The following MACROD2 variants were observed in gnomAD, a reference collection of about 807,000 sequenced individuals.
MACROD2 encodes ADP-ribose glycohydrolase MACROD2.
In MACROD2, 36 loss-of-function variants were observed where a neutral mutation model predicts 70.4. The observed-to-expected ratio is 0.51, with a 90% CI of 0.39 to 0.68. MACROD2 has a LOEUF of 0.68. Among genes scored for constraint, MACROD2 ranks in the 30% least tolerant of loss-of-function variants. MACROD2 has a pLI of 0.00. For synonymous variants in MACROD2, 172 were observed against 178.8 expected (o/e 0.96, Z 0.30); for missense variants, 496 against 538.4 (o/e 0.92, Z 0.78).
intron 6 of MACROD2, among the ~76,000 whole-genome samples, chr20:15,358,275 A>G (rs2146239031): frequency 6.6e-6 from 1 of 152,326 alleles, no homozygotes; most frequent in African/African-American, 2.4e-5. Flanking sequence ...TCAAAGATAG[A>G]ATGCATTAAA....
intron 5 of MACROD2, chr20:14,905,235 A>G (rs899756950): frequency 6.6e-6 from 1 of 152,172 alleles, no homozygotes; most frequent in African/African-American, 2.4e-5. Flanking sequence ...TGAGTCTTAA[A>G]CTGGCTCTTA....
chr20:14,057,063 A>G (rs2053638637), intron 2 of MACROD2, among the ~76,000 whole-genome samples: 1 of 152,166 alleles, frequency 6.6e-6, no homozygotes, highest in East Asian at 1.9e-4. Context: ...CCAAATGGGA[A>G]AAACAATGAA....
chr20:14,590,779 G>A (rs1014055271), intron 4 of MACROD2, among the ~76,000 whole-genome samples: 3 of 152,078 alleles, frequency 2.0e-5, no homozygotes, highest in African/African-American at 7.2e-5. Flanking sequence ...TTAGATGTGA[G>A]AAAATGTAAT....
intron 5 of MACROD2, among the ~76,000 whole-genome samples, chr20:15,148,826 C>T (rs901034463): frequency 7.9e-5 from 12 of 151,978 alleles, no homozygotes; most frequent in African/African-American, 2.9e-4. Flanking sequence ...TTTTAAAAGA[C>T]TTTTAGTCTG....
intron 5 of MACROD2, among the ~76,000 whole-genome samples, chr20:14,781,476 C>T (rs1476462900): frequency 6.9e-6 from 1 of 145,482 alleles, no homozygotes; most frequent in Non-Finnish European, 1.5e-5. Flanking sequence ...ACTTCTCTTC[C>T]ATCTAGTGTG....
intron 6 of MACROD2, among the ~76,000 whole-genome samples, chr20:15,245,528 C>T (rs2077098124): frequency 6.6e-6 from 1 of 152,164 alleles, no homozygotes; most frequent in African/African-American, 2.4e-5. Flanking sequence ...TGATGCCCCT[C>T]AAGTTTCAAA....
At chr20:14,425,660 AT>A (rs1337155122) in intron 3 of MACROD2, among the ~76,000 whole-genome samples, 3 of 152,102 alleles carry the variant, frequency 2.0e-5, no homozygotes, top group African/African-American at 7.2e-5. Context: ...TTTCCTGGAA[AT>A]TTCTGACCTC....
intron 3 of MACROD2, among the ~76,000 whole-genome samples, chr20:14,179,086 G>A (rs1218099869): frequency 1.3e-5 from 2 of 152,094 alleles, no homozygotes; most frequent in African/African-American, 4.8e-5. Context: ...GGAAGGAATT[G>A]ATAGTGACTA....
chr20:14,908,128 G>A (rs1275673352), intron 5 of MACROD2, among the ~76,000 whole-genome samples: 1 of 152,084 alleles, frequency 6.6e-6, no homozygotes, highest in Non-Finnish European at 1.5e-5. Flanking sequence ...CGGATCACCC[G>A]ATGTCAGGAA....
In MACROD2 at chr20:14,071,252, G is replaced by GTTTTTTTTTTTTTTTTTTTTTTTTTTT. The variant is rs59052053; in HGVS notation, c.164-14343_164-14342insTTTTTTTTTTTTTTTTTTTTTTTTTTT. ...GACAGTATTGGCCATTTCATCTTGT[G>GTTTTTTTTTTTTTTTTTTTTTTTTTTT]TTTTTTTTTTTTTTTTTTTTTTTTT... On this transcript the variant is annotated intron_variant, in intron 2 of 17. Transcript: ENST00000684519. Among the ~76,000 whole-genome samples the GTTTTTTTTTTTTTTTTTTTTTTTTTTT allele has an allele frequency of 6.3e-5, 4 of 63,936 alleles. 1 individual carries two copies. The highest frequency in any genetic ancestry group is 2.5e-4 in the African/African-American group (4 of 15,778). The allele number at this position is 63,936 out of a possible 152,430, so 41.9% of individuals were successfully genotyped here.
chr20:14,828,818 G>A (rs1275794970), intron 5 of MACROD2, among the ~76,000 whole-genome samples: 1 of 151,944 alleles, frequency 6.6e-6, no homozygotes, highest in Non-Finnish European at 1.5e-5. Flanking sequence ...TGTATGTTTT[G>A]GCACATCTTA....
chr20:14,293,389 CA>C (rs1241266531), intron 3 of MACROD2, among the ~76,000 whole-genome samples: 1 of 151,734 alleles, frequency 6.6e-6, no homozygotes, highest in African/African-American at 2.4e-5. Flanking sequence ...TGAATTGAGG[CA>C]GGGGCTGTGG....
chr20:14,527,718 G>A (rs1334793077), intron 4 of MACROD2, among the ~76,000 whole-genome samples: 2 of 152,188 alleles, frequency 1.3e-5, no homozygotes, highest in East Asian at 1.9e-4. Context: ...AAGAGTACAT[G>A]TCTAGAAAAC....
chr20:15,953,150 G>A lies in MACROD2; in HGVS notation c.908-14403G>A, dbSNP rs138074843. ...CGCATGTTTTCACTCATAGGCAGAA[G>A]CCAAGAAAGGTTGGTCTCATAGAAG... is the stretch of plus-strand genomic sequence containing the variant. On this transcript the variant is annotated intron_variant, in intron 12 of 17. Transcript: ENST00000684519. Among the ~76,000 whole-genome samples the A allele has an allele frequency of 6.1e-3, 926 of 152,246 alleles. 8 individuals are homozygous for A. Among genetic ancestry groups the A allele is most frequent in the African/African-American group, 0.021 (892 of 41,552 alleles).
At chr20:15,087,756 C>G (rs1043136029) in intron 5 of MACROD2, among the ~76,000 whole-genome samples, 1 of 151,448 alleles carries the variant, frequency 6.6e-6, no homozygotes, top group Non-Finnish European at 1.5e-5. Flanking sequence ...AATTAAAAGA[C>G]AAATATGAGT....
intron 3 of MACROD2, chr20:14,324,633 C>A (rs1302410536): frequency 2.0e-5 from 3 of 152,028 alleles, no homozygotes. Flanking sequence ...TCTCTGACAT[C>A]CTTTATGATA....
At chr20:15,688,614 A>G (rs961172237) in intron 8 of MACROD2, among the ~76,000 whole-genome samples, 1 of 152,248 alleles carries the variant, frequency 6.6e-6, no homozygotes, top group Non-Finnish European at 1.5e-5. Context: ...TCTTCTAAAT[A>G]TAAGTTTTAA....
At chr20:14,183,695 A>G (rs2081323123) in intron 3 of MACROD2, among the ~76,000 whole-genome samples, 2 of 152,166 alleles carry the variant, frequency 1.3e-5, no homozygotes, top group East Asian at 3.9e-4. Flanking sequence ...CCACACTAGC[A>G]TCTGTTATTT....
chr20:14,766,716 T>A (rs2072094549), intron 5 of MACROD2, among the ~76,000 whole-genome samples: 1 of 152,128 alleles, frequency 6.6e-6, no homozygotes, highest in South Asian at 2.1e-4. Flanking sequence ...GTAGGATAGA[T>A]TAAATTAGTT....
Sources: gnomAD v4.1 joint callset for allele counts (sites outside exome capture counted in the v4.1 genomes callset) on GRCh38, gnomAD v4.1.1 for gene constraint, MANE v1.5 for transcripts, NCBI Gene and HGNC (gene_info 2026-07-23, HGNC 2026-07-21) for gene names.